The following MAP6 variants were observed in gnomAD, a reference collection of about 807,000 sequenced individuals.
MAP6 encodes the protein microtubule associated protein 6, also known as microtubule-associated protein 6.
A neutral mutation model predicts 42.4 loss-of-function variants in MAP6; 26 were observed. The observed-to-expected ratio is 0.61, with a 90% confidence interval of 0.45 to 0.85. The LOEUF is 0.85. Ranked by LOEUF, MAP6 falls within the 40% of genes least tolerant of loss-of-function variation. The probability of loss-of-function intolerance (pLI) is 0.00; values close to 1 mark genes in which losing one functional copy is unlikely to be tolerated. For synonymous variants in MAP6, 418 were observed against 443.8 expected (o/e 0.94, Z 0.73); for missense variants, 966 against 1,099.0 (o/e 0.88, Z 1.71).
chr11:75,630,202 G>A (rs1001175517), intron 1 of MAP6, among the ~76,000 whole-genome samples: 1 of 152,074 alleles, frequency 6.6e-6, no homozygotes, highest in Non-Finnish European at 1.5e-5. Flanking sequence ...GGGACTCCTG[G>A]GCTTAAACTC....
At chr11:75,626,907 C>A (rs891017984) in intron 1 of MAP6, among the ~76,000 whole-genome samples, 1 of 152,142 alleles carries the variant, frequency 6.6e-6, no homozygotes, top group African/African-American at 2.4e-5. Flanking sequence ...GGTGCTATAA[C>A]CCATAGAAAC....
intron 1 of MAP6, among the ~76,000 whole-genome samples, chr11:75,666,766 A>G (rs1053745374): frequency 2.6e-5 from 4 of 152,250 alleles, no homozygotes; most frequent in African/African-American, 9.6e-5. Context: ...TTAAATCAAT[A>G]AAAGTGTGAA....
Position 75,617,279 on chromosome 11 carries a change from G to A in MAP6, c.906-8957C>T, listed in dbSNP as rs1246702100. 3.3e-5 allele frequency among the ~76,000 whole-genome samples: 5 copies of A among 152,112 alleles called. No homozygotes were observed. In the South Asian group the frequency reaches 8.3e-4, roughly 25 times the overall value. ...AGCCTATGATCCCAGCACCCTGGGA[G>A]GCCAAGGCCGGCAGATCTCTTGAGG... On this transcript the variant is annotated intron_variant, in intron 1 of 3. Transcript: ENST00000304771.
intron 3 of MAP6, chr11:75,605,545 T>G (rs1017256644): frequency 4.0e-6 from 5 of 1,262,704 alleles, no homozygotes; most frequent in Admixed American, 7.4e-5. Flanking sequence ...GCAGTCAGAG[T>G]GCCAGGGGAG....
At chr11:75,633,588 CAAG>C (rs1449359532) in intron 1 of MAP6, among the ~76,000 whole-genome samples, 7 of 152,120 alleles carry the variant, frequency 4.6e-5, no homozygotes, top group African/African-American at 1.7e-4. Context: ...GAAGTTCCAA[CAAG>C]AATAATAAAG....
At chr11:75,607,110 C>T (rs1404755427) in intron 2 of MAP6, 1 of 503,122 alleles carries the variant, frequency 2.0e-6, no homozygotes, top group Non-Finnish European at 2.6e-6. Flanking sequence ...AGGAAAGGAA[C>T]CAATCGTCCT....
intron 1 of MAP6, among the ~76,000 whole-genome samples, chr11:75,621,422 A>G (rs1402480398): frequency 5.9e-5 from 9 of 152,352 alleles, no homozygotes; most frequent in African/African-American, 2.2e-4. Flanking sequence ...AACAAACATA[A>G]TACTCAATGG....
intron 1 of MAP6, among the ~76,000 whole-genome samples, chr11:75,646,048 A>G (rs1943548057): frequency 6.6e-6 from 1 of 151,886 alleles, no homozygotes; most frequent in Non-Finnish European, 1.5e-5. Context: ...CAGGAAAATA[A>G]CTAGTCTCAA....
chr11:75,613,779 A>G (rs906542400), intron 1 of MAP6, among the ~76,000 whole-genome samples: 1 of 152,132 alleles, frequency 6.6e-6, no homozygotes, highest in African/African-American at 2.4e-5. Flanking sequence ...TGACTCTTTG[A>G]TGGCTTACTT....
chr11:75,646,338 A>G (rs907967253), intron 1 of MAP6, among the ~76,000 whole-genome samples: 4 of 152,098 alleles, frequency 2.6e-5, no homozygotes, highest in African/African-American at 9.7e-5. Context: ...GGCAAAGGCC[A>G]TATTTTCAGC....
At position 75,668,230 on chromosome 11, in the gene MAP6, G is replaced by T. The variant is rs779363523; in HGVS notation, c.140C>A (p.Pro47Gln). The change falls in exon 1 of 4, where the codon CCG (proline) becomes CAG (glutamine). Residue 47 changes from proline (P) to glutamine (Q), a missense_variant. Physicochemically the swap from Pro to Gln is moderately conservative, Grantham distance 76. Coordinates refer to ENST00000304771, the MANE Select transcript of MAP6 (RefSeq NM_033063.2). ...TEHPGAPPQPPPPQQQAQPAL... is the reference protein window; with the variant it reads ...TEHPGAPPQPQPPQQQAQPAL... Reference sequence around the variant, plus strand: ...CGGCTGCGCCTGCTGCTGCGGCGGCGGTGGCTGCGGCGGGGCGCCCGGGTG... The same window carrying T: ...CGGCTGCGCCTGCTGCTGCGGCGGCTGTGGCTGCGGCGGGGCGCCCGGGTG... 3.3e-5 allele frequency: 47 copies of T among 1,404,024 alleles called. No individual in the cohort carries two copies. The African/African-American group carries it at 4.9e-4, about 15-fold the overall frequency. 87.0% of individuals were successfully genotyped at this position (1,404,024 alleles called of 1,614,324 possible). A position where few individuals can be genotyped will look rare whatever the true frequency, so the allele number is the denominator to read the frequency against.
intron 1 of MAP6, among the ~76,000 whole-genome samples, chr11:75,644,700 A>T (rs1943526981): frequency 6.6e-6 from 1 of 152,180 alleles, no homozygotes; most frequent in Non-Finnish European, 1.5e-5. Flanking sequence ...ACAAAATTGA[A>T]GAAATAAGAG....
chr11:75,615,301 C>T (rs1028190253), intron 1 of MAP6, among the ~76,000 whole-genome samples: 2 of 152,136 alleles, frequency 1.3e-5, no homozygotes, highest in South Asian at 2.1e-4. Context: ...GATTTACATA[C>T]GGCCTACTCA....
chr11:75,626,042 T>C (rs1231374023), intron 1 of MAP6, among the ~76,000 whole-genome samples: 1 of 152,168 alleles, frequency 6.6e-6, no homozygotes, highest in Non-Finnish European at 1.5e-5. Context: ...TTGCTTGACC[T>C]CACACGTATC....
chr11:75,620,424 T>C (rs1212056501), intron 1 of MAP6, among the ~76,000 whole-genome samples: 3 of 146,172 alleles, frequency 2.1e-5, no homozygotes, highest in Non-Finnish European at 4.5e-5. Flanking sequence ...TGAGCAGAGA[T>C]GGTGCCACTG....
intron 3 of MAP6, chr11:75,603,579 T>A (rs976623920): frequency 1.5e-4 from 125 of 830,670 alleles, no homozygotes; most frequent in Non-Finnish European, 1.7e-4. Flanking sequence ...AGGAAGTTGG[T>A]CCCTGGGGCA....
intron 1 of MAP6, among the ~76,000 whole-genome samples, chr11:75,640,388 G>A (rs1423012014): frequency 6.6e-6 from 1 of 152,186 alleles, no homozygotes; most frequent in African/African-American, 2.4e-5. Context: ...AAAGGGAAGG[G>A]AATAGTTTAC....
At chr11:75,639,595 G>A (rs563573934) in intron 1 of MAP6, among the ~76,000 whole-genome samples, 1 of 152,294 alleles carries the variant, frequency 6.6e-6, no homozygotes, top group East Asian at 1.9e-4. Context: ...TCTAAATTCT[G>A]TACTTTCTTT....
At chr11:75,646,898 T>C (rs750947147) in intron 1 of MAP6, among the ~76,000 whole-genome samples, 4 of 152,104 alleles carry the variant, frequency 2.6e-5, no homozygotes, top group Non-Finnish European at 4.4e-5. Context: ...TATTTCTAAA[T>C]TGAGGATTTA....
Sources: gnomAD v4.1 joint callset for allele counts (sites outside exome capture counted in the v4.1 genomes callset) on GRCh38, gnomAD v4.1.1 for gene constraint, MANE v1.5 for transcripts, NCBI Gene and HGNC (gene_info 2026-07-23, HGNC 2026-07-21) for gene names.